The following SHB variants were observed in gnomAD, a reference collection of about 807,000 sequenced individuals.
SHB encodes SH2 domain-containing adapter protein B.
A neutral mutation model predicts 52.3 loss-of-function variants in SHB; 20 were observed. The observed-to-expected ratio is 0.38, with a 90% CI of 0.27 to 0.56. The LOEUF (loss-of-function observed/expected upper bound fraction) is 0.56, where lower values mean the gene tolerates loss of function less well. SHB is among the 20% of genes least tolerant of loss of function. SHB has a pLI of 0.71. For synonymous variants in SHB, 397 were observed against 316.5 expected, an observed-to-expected ratio of 1.25 and a Z score of -2.70; for missense variants, 825 against 723.3, an observed-to-expected ratio of 1.14 and a Z score of -1.61.
chr9:38,044,348 CT>C (rs1164156971), intron 1 of SHB, among the ~76,000 whole-genome samples: 1 of 152,190 alleles, frequency 6.6e-6, no homozygotes, highest in East Asian at 1.9e-4. Context: ...TGCAACAACT[CT>C]TTCCAGAAAA....
At chr9:37,921,809 C>A (rs1467849734) in intron 5 of SHB, among the ~76,000 whole-genome samples, 2 of 152,200 alleles carry the variant, frequency 1.3e-5, no homozygotes, top group African/African-American at 4.8e-5. Context: ...ACCCACCACG[C>A]CGAAGAGACC....
intron 3 of SHB, among the ~76,000 whole-genome samples, chr9:37,956,716 C>A (rs1468054472): frequency 6.6e-6 from 1 of 152,172 alleles, no homozygotes; most frequent in Non-Finnish European, 1.5e-5. Context: ...TTGAGGGAGA[C>A]CCTGGAGACA....
intron 4 of SHB, among the ~76,000 whole-genome samples, chr9:37,949,641 G>A (rs7864512): frequency 0.12 from 18,903 of 152,094 alleles, 1,190 homozygotes; most frequent in African/African-American, 0.16. Flanking sequence ...AAATGGGGCT[G>A]CAGCAGGGGC....
intron 1 of SHB, among the ~76,000 whole-genome samples, chr9:38,044,700 G>A (rs574361006): frequency 6.6e-6 from 1 of 152,354 alleles, no homozygotes; most frequent in East Asian, 1.9e-4. Flanking sequence ...CTGGAGTTTG[G>A]AGGTTTTTTC....
intron 3 of SHB, among the ~76,000 whole-genome samples, chr9:37,963,371 T>C (rs1832714684): frequency 6.6e-6 from 1 of 152,210 alleles, no homozygotes; most frequent in Non-Finnish European, 1.5e-5. Flanking sequence ...CAAGGCACCG[T>C]GTGTAGACTG....
intron 5 of SHB, among the ~76,000 whole-genome samples, chr9:37,947,128 C>T (rs186229292): frequency 6.6e-6 from 1 of 152,288 alleles, no homozygotes; most frequent in East Asian, 1.9e-4. Context: ...ATAACTGACC[C>T]GATTCTTTCA....
At chr9:38,009,223 T>C (rs1821107125) in intron 2 of SHB, among the ~76,000 whole-genome samples, 2 of 152,290 alleles carry the variant, frequency 1.3e-5, no homozygotes, top group Middle Eastern at 3.4e-3. Context: ...CAGAATGGTG[T>C]CCTGTCTGTC....
intron 1 of SHB, among the ~76,000 whole-genome samples, chr9:38,045,669 T>C (rs1039468013): frequency 1.3e-5 from 2 of 152,072 alleles, no homozygotes; most frequent in African/African-American, 2.4e-5. Flanking sequence ...TCCTACCACT[T>C]TGTAATGAAC....
chr9:37,952,111 C>A (rs1410109837), intron 4 of SHB, among the ~76,000 whole-genome samples: 2 of 152,198 alleles, frequency 1.3e-5, no homozygotes, highest in Admixed American at 1.3e-4. Context: ...CTCACTATAT[C>A]CTTGATCTCA....
intron 1 of SHB, among the ~76,000 whole-genome samples, chr9:38,039,934 C>T (rs904466973): frequency 1.3e-5 from 2 of 152,244 alleles, no homozygotes; most frequent in African/African-American, 4.8e-5. Context: ...CCCTAGGCCC[C>T]AGTCTTATTT....
chr9:37,933,373 A>G (rs973591687), intron 5 of SHB, among the ~76,000 whole-genome samples: 2 of 152,256 alleles, frequency 1.3e-5, no homozygotes, highest in Non-Finnish European at 2.9e-5. Context: ...ATGAAGAGAC[A>G]ACCTTTGAAG....
At chr9:37,924,348 C>T (rs532396346) in intron 5 of SHB, among the ~76,000 whole-genome samples, 68 of 152,316 alleles carry the variant, frequency 4.5e-4, no homozygotes, top group African/African-American at 1.6e-3. Context: ...GAGCAGGGTG[C>T]GAGGCCTCAC....
chr9:38,068,037 G>A lies in SHB; in HGVS notation c.609C>T (p.Ala203=), dbSNP rs537609128. 2.7e-6 allele frequency: 4 copies of A among 1,508,478 alleles called. No homozygotes were observed. The highest frequency in any genetic ancestry group is 2.1e-4 in the Middle Eastern group (1 of 4,876). 93.4% of individuals were successfully genotyped at this position (1,508,478 alleles called of 1,614,324 possible). The part of the protein sequence containing the change: ...GGGAGDPLGG[A]CAGGRTWSPT... The stretch of plus-strand genomic sequence containing the variant: ...GGCTCCAGGTGCGGCCGCCCGCGCA[G>A]GCGCCCCCCAGGGGGTCCCCGGCCC... The change falls in exon 1 of 6, where the codon GCC becomes GCT. Residue 203 remains alanine (A), a synonymous_variant. Coordinates refer to ENST00000377707, the MANE Select transcript of SHB (RefSeq NM_003028.3).
chr9:38,068,417 T>C lies in SHB; in HGVS notation c.229A>G (p.Thr77Ala), dbSNP rs2118213815. The C allele has an allele frequency of 6.4e-7, 1 of 1,567,650 alleles. No individual in the cohort carries two copies. The highest frequency in any genetic ancestry group is 8.6e-7 in the Non-Finnish European group (1 of 1,160,982). ...SGSLPDDSGSTSDLIRAYRAQ... is the reference protein window; with the variant it reads ...SGSLPDDSGSASDLIRAYRAQ... ...CGGTAGGCGCGGATGAGGTCGCTGG[T>C]GCTGCCGCTGTCGTCGGGCAGCGAG... is the stretch of plus-strand genomic sequence containing the variant. The change falls in exon 1 of 6, where the codon ACC becomes GCC. Residue 77 changes from threonine (T) to alanine (A), a missense_variant. By Grantham distance (58) the Thr-to-Ala change is moderately conservative (BLOSUM62 0). Coordinates refer to ENST00000377707, the MANE Select transcript of SHB (RefSeq NM_003028.3).
At chr9:37,959,277 T>C (rs1444970388) in intron 3 of SHB, among the ~76,000 whole-genome samples, 2 of 152,040 alleles carry the variant, frequency 1.3e-5, no homozygotes, top group Non-Finnish European at 2.9e-5. Context: ...CAGAAGGGGA[T>C]GTGGTCAGGG....
chr9:38,024,467 T>A (rs1264260510), intron 1 of SHB, among the ~76,000 whole-genome samples: 2 of 152,172 alleles, frequency 1.3e-5, no homozygotes, highest in African/African-American at 2.4e-5. Context: ...CTCCGACTTG[T>A]TAGGAAAAAC....
rs967707700 is a variant in SHB at position 37,974,880 on chromosome 9, C to T, written c.839-43G>A. On this transcript the variant is annotated intron_variant, in intron 2 of 5. Coordinates refer to ENST00000377707, the MANE Select transcript of SHB (RefSeq NM_003028.3). ...GGAAGCAGAGATGAAATGGATACTG[C>T]ACTTCCTCACCTGCATTCCCACCCA... 6.0e-6 allele frequency: 9 copies of T among 1,502,024 alleles called. No homozygotes were observed. The African/African-American group carries it at 1.2e-4, about 21-fold the overall frequency. The allele number at this position is 1,502,024 out of a possible 1,614,324, so 93.0% of individuals were successfully genotyped here. A position where few individuals can be genotyped will look rare whatever the true frequency, so the allele number is the denominator to read the frequency against.
chr9:38,032,951 CACTAAGT>C (rs1239543858), intron 1 of SHB, among the ~76,000 whole-genome samples: 3 of 152,164 alleles, frequency 2.0e-5, no homozygotes, highest in Non-Finnish European at 4.4e-5. Context: ...GCCCAGTATG[CACTAAGT>C]ACTAAGTGCT....
intron 2 of SHB, among the ~76,000 whole-genome samples, chr9:37,984,491 G>A (rs1820779615): frequency 6.6e-6 from 1 of 152,234 alleles, no homozygotes; most frequent in Admixed American, 6.5e-5. Context: ...GAGGTCAGGG[G>A]AAGGGAAGAA....
Sources: allele counts gnomAD v4.1 joint callset (sites outside exome capture counted in the v4.1 genomes callset), GRCh38; gene constraint gnomAD v4.1.1; transcripts MANE v1.5; gene names NCBI Gene and HGNC (gene_info 2026-07-23, HGNC 2026-07-21).